DLG2: variants seen among roughly 807,000 people sequenced by gnomAD.
DLG2 encodes disks large homolog 2.
In DLG2, 45 loss-of-function variants were observed where a neutral mutation model predicts 132.5. That is an observed-to-expected ratio of 0.34 (90% CI 0.27 to 0.44). DLG2 has a LOEUF of 0.44. DLG2 is among the 20% of genes least tolerant of loss of function. The pLI is 1.00. For missense variants in DLG2, 1,045 were observed against 1,196.9 expected, an observed-to-expected ratio of 0.87 and a Z score of 1.87; for synonymous variants, 424 against 419.6, an observed-to-expected ratio of 1.01 and a Z score of -0.13.
rs1404344017 is a variant in DLG2, at chr11:85,428,894, GAAGAA to G, written c.41-143534_41-143530del. 7.2e-5 allele frequency among the ~76,000 whole-genome samples: 11 copies of G among 151,992 alleles called. No individual in the cohort carries two copies. The South Asian group carries it at 2.3e-3, about 32-fold the overall frequency. On this transcript the variant is annotated intron_variant, in intron 3 of 27. Coordinates refer to ENST00000376104, the MANE Select transcript of DLG2 (RefSeq NM_001142699.3). ...ATAGACCGCTAGCAAGACTAATAAA[GAAGAA>G]AAGAGAGAAGAATTAAATAGACGCA...
intron 8 of DLG2, among the ~76,000 whole-genome samples, chr11:84,191,130 T>C (rs2096399826): frequency 6.6e-6 from 1 of 152,210 alleles, no homozygotes; most frequent in South Asian, 2.1e-4. Context: ...GCCTACCAAA[T>C]GTGCAATCTG....
chr11:83,520,788 C>T (rs933740454), intron 21 of DLG2, among the ~76,000 whole-genome samples: 2 of 152,112 alleles, frequency 1.3e-5, no homozygotes, highest in African/African-American at 4.8e-5. Flanking sequence ...TTTGATTTGA[C>T]TCAATAGCCT....
At chr11:83,978,419 C>T (rs1330989991) in intron 12 of DLG2, among the ~76,000 whole-genome samples, 1 of 152,020 alleles carries the variant, frequency 6.6e-6, no homozygotes, top group African/African-American at 2.4e-5. Context: ...ATGGTTATCA[C>T]AATTTATTCT....
At chr11:85,021,586 A>C (rs2060071160) in intron 6 of DLG2, 1 of 1,562,896 alleles carries the variant, frequency 6.4e-7, no homozygotes. Context: ...AAGAGTGTTG[A>C]GATTCCCAGT....
chr11:84,282,515 A>G (rs2097863046), intron 7 of DLG2, among the ~76,000 whole-genome samples: 1 of 152,128 alleles, frequency 6.6e-6, no homozygotes, highest in African/African-American at 2.4e-5. Flanking sequence ...ACCTCAGTGA[A>G]GCTATTTAAA....
intron 6 of DLG2, among the ~76,000 whole-genome samples, chr11:84,727,960 C>T (rs2062688389): frequency 6.6e-6 from 1 of 152,138 alleles, no homozygotes; most frequent in Non-Finnish European, 1.5e-5. Context: ...TGAGACTTTG[C>T]TGAGGTTGCT....
chr11:85,527,571 C>A (rs2074876594), intron 3 of DLG2, among the ~76,000 whole-genome samples: 1 of 152,070 alleles, frequency 6.6e-6, no homozygotes, highest in Non-Finnish European at 1.5e-5. Context: ...ATGTATGTGC[C>A]ACATTTTCTT....
At chr11:83,804,591 C>CACACACACACACACAT (rs1190602254) in intron 17 of DLG2, among the ~76,000 whole-genome samples, 1 of 151,480 alleles carries the variant, frequency 6.6e-6, no homozygotes, top group Non-Finnish European at 1.5e-5. Context: ...CACACACACA[C>CACACACACACACACAT]ACACACACAC....
intron 3 of DLG2, among the ~76,000 whole-genome samples, chr11:85,322,055 C>T (rs1406192997): frequency 3.3e-5 from 5 of 152,022 alleles, no homozygotes; most frequent in African/African-American, 4.8e-5. Flanking sequence ...GTAATATTCT[C>T]CTCTACTCCA....
At position 84,067,556 on chromosome 11, in the gene DLG2, C is replaced by CCACA. The variant is rs35165434; in HGVS notation, c.750-8076_750-8073dup. On this transcript the variant is annotated intron_variant, in intron 10 of 27. Coordinates refer to ENST00000376104, the MANE Select transcript of DLG2 (RefSeq NM_001142699.3). ...AGAGGAGAAAATAATACACCCCCCA[C>CCACA]CACACACACACACACACACACACAC... Among the ~76,000 whole-genome samples the CCACA allele has an allele frequency of 3.5e-3, 524 of 148,854 alleles. 4 individuals carry two copies. In the East Asian group the frequency reaches 0.042, roughly 12 times the overall value.
chr11:85,516,273 C>A (rs2094166703), intron 3 of DLG2, among the ~76,000 whole-genome samples: 2 of 151,886 alleles, frequency 1.3e-5, no homozygotes, highest in Non-Finnish European at 1.5e-5. Flanking sequence ...ACACAATACA[C>A]CAAAACCTCT....
chr11:85,153,073 C>G (rs2077361618), intron 5 of DLG2, among the ~76,000 whole-genome samples: 1 of 152,096 alleles, frequency 6.6e-6, no homozygotes, highest in African/African-American at 2.4e-5. Flanking sequence ...TATAACTATC[C>G]CATTTCATCC....
intron 6 of DLG2, among the ~76,000 whole-genome samples, chr11:84,799,989 C>T (rs929480268): frequency 3.3e-5 from 5 of 152,128 alleles, no homozygotes; most frequent in Non-Finnish European, 7.4e-5. Context: ...TCTCAAAATA[C>T]CTCTATAGAA....
chr11:85,316,994 G>C (rs1223581870), intron 3 of DLG2, among the ~76,000 whole-genome samples: 1 of 151,936 alleles, frequency 6.6e-6, no homozygotes, highest in Admixed American at 6.6e-5. Context: ...AACATGACCT[G>C]TTCTGAAGTG....
At chr11:84,949,396 G>T (rs1286553033) in intron 6 of DLG2, among the ~76,000 whole-genome samples, 1 of 152,134 alleles carries the variant, frequency 6.6e-6, no homozygotes, top group Non-Finnish European at 1.5e-5. Context: ...AGGGATTTGA[G>T]ATCAACCAGT....
At chr11:83,871,071 G>A (rs1053543846) in intron 16 of DLG2, among the ~76,000 whole-genome samples, 1 of 152,212 alleles carries the variant, frequency 6.6e-6, no homozygotes, top group African/African-American at 2.4e-5. Context: ...GAAACCATTT[G>A]GCCTTTGATG....
chr11:85,209,324 ATTC>A (rs141272777), intron 4 of DLG2, among the ~76,000 whole-genome samples: 136 of 151,838 alleles, frequency 9.0e-4, no homozygotes, highest in African/African-American at 2.8e-3. Context: ...CCCAGTATAG[ATTC>A]TTCTTGTACT....
intron 7 of DLG2, among the ~76,000 whole-genome samples, chr11:84,455,885 T>A (rs11234034): frequency 0.067 from 10,147 of 151,350 alleles, 462 homozygotes; most frequent in Non-Finnish European, 0.11. Context: ...AAGATCAATT[T>A]GTTTCCTGTC....
intron 3 of DLG2, among the ~76,000 whole-genome samples, chr11:85,449,588 T>C (rs539039782): frequency 6.6e-6 from 1 of 152,248 alleles, no homozygotes; most frequent in Non-Finnish European, 1.5e-5. Flanking sequence ...TTATATGAAG[T>C]GTTTAGTGAT....
Sources: allele counts gnomAD v4.1 joint callset (sites outside exome capture counted in the v4.1 genomes callset), GRCh38; gene constraint gnomAD v4.1.1; transcripts MANE v1.5; gene names NCBI Gene and HGNC (gene_info 2026-07-23, HGNC 2026-07-21).